Variants in COL21A1 observed in about 807,000 individuals in gnomAD.
The protein encoded by COL21A1 is collagen type XXI alpha 1 chain, also known as collagen alpha-1(XXI) chain.
Under a neutral mutation model 137.9 loss-of-function variants are expected in COL21A1, and 149 were observed. The observed-to-expected ratio is 1.08, with a 90% confidence interval of 0.95 to 1.24. COL21A1 has a LOEUF of 1.24. Ranked by LOEUF, COL21A1 falls within the 50% of genes most tolerant of loss-of-function variation. The probability of loss-of-function intolerance (pLI) is 0.00; values close to 1 mark genes in which losing one functional copy is unlikely to be tolerated. For missense variants in COL21A1, 1,167 were observed against 1,158.4 expected (o/e 1.01, Z -0.11); for synonymous variants, 456 against 391.5 (o/e 1.16, Z -1.95).
At chr6:56,199,417 T>C (rs1779234228) in intron 1 of COL21A1, among the ~76,000 whole-genome samples, 1 of 152,086 alleles carries the variant, frequency 6.6e-6, no homozygotes, top group African/African-American at 2.4e-5. Flanking sequence ...ATGGAATATA[T>C]AGTAGGCTAA....
At chr6:56,199,191 A>G (rs1017654584) in intron 1 of COL21A1, among the ~76,000 whole-genome samples, 1 of 152,096 alleles carries the variant, frequency 6.6e-6, no homozygotes, top group Admixed American at 6.6e-5. Flanking sequence ...TGATGCTTAC[A>G]TCCTCAACAG....
At chr6:56,096,436 A>G (rs1769331146) in intron 17 of COL21A1, among the ~76,000 whole-genome samples, 1 of 152,344 alleles carries the variant, frequency 6.6e-6, no homozygotes, top group Non-Finnish European at 1.5e-5. Flanking sequence ...CATGGTTGAA[A>G]CAAGTTATAA....
chr6:56,085,918 T>C (rs1161153941), intron 17 of COL21A1, among the ~76,000 whole-genome samples: 2 of 148,662 alleles, frequency 1.3e-5, no homozygotes, highest in Non-Finnish European at 3.0e-5. Context: ...AATATATTTA[T>C]ATTCATAATA....
intron 12 of COL21A1, among the ~76,000 whole-genome samples, chr6:56,136,864 G>C (rs1249769101): frequency 6.6e-6 from 1 of 152,020 alleles, no homozygotes; most frequent in Non-Finnish European, 1.5e-5. Context: ...GAGAAATGTA[G>C]ACCATGAACA....
At chr6:56,260,066 A>G (rs1424585961) in intron 1 of COL21A1, among the ~76,000 whole-genome samples, 1 of 152,206 alleles carries the variant, frequency 6.6e-6, no homozygotes, top group Non-Finnish European at 1.5e-5. Context: ...CACCACACAC[A>G]TAGCATGTTT....
chr6:56,349,526 G>GAT (rs1765666508), intron 1 of COL21A1, among the ~76,000 whole-genome samples: 1 of 152,088 alleles, frequency 6.6e-6, no homozygotes, highest in South Asian at 2.1e-4. Context: ...AGTGGCAATA[G>GAT]GTATATCTCT....
At chr6:56,345,621 T>G (rs185780681) in intron 1 of COL21A1, among the ~76,000 whole-genome samples, 6 of 152,322 alleles carry the variant, frequency 3.9e-5, no homozygotes, top group Admixed American at 3.3e-4. Context: ...GCCTGATCGC[T>G]ACATCTTCCT....
chr6:56,371,180 C>T (rs1463715827), intron 1 of COL21A1, among the ~76,000 whole-genome samples: 1 of 152,152 alleles, frequency 6.6e-6, no homozygotes, highest in Non-Finnish European at 1.5e-5. Flanking sequence ...TAAATGCCAT[C>T]AAGTTGCTGT....
At chr6:56,131,529 A>T (rs1480338905) in intron 12 of COL21A1, among the ~76,000 whole-genome samples, 1 of 152,012 alleles carries the variant, frequency 6.6e-6, no homozygotes, top group Admixed American at 6.6e-5. Context: ...GAGGGATGAA[A>T]TCAAAGATGT....
At chr6:56,145,727 T>C (rs1276603005) in intron 10 of COL21A1, among the ~76,000 whole-genome samples, 1 of 152,132 alleles carries the variant, frequency 6.6e-6, no homozygotes, top group African/African-American at 2.4e-5. Flanking sequence ...TGGTTAATAC[T>C]GTTCAACATG....
At chr6:56,285,575 T>C (rs1763891176) in intron 1 of COL21A1, among the ~76,000 whole-genome samples, 1 of 152,220 alleles carries the variant, frequency 6.6e-6, no homozygotes, top group South Asian at 2.1e-4. Flanking sequence ...CTCATTTCTT[T>C]TTTGTTAGGA....
chr6:56,192,045 C>T (rs979629007), intron 1 of COL21A1, among the ~76,000 whole-genome samples: 1 of 152,014 alleles, frequency 6.6e-6, no homozygotes, highest in African/African-American at 2.4e-5. Flanking sequence ...GAAATAAAAC[C>T]ACACATCTAC....
intron 1 of COL21A1, among the ~76,000 whole-genome samples, chr6:56,362,326 T>C (rs954484753): frequency 1.6e-4 from 24 of 152,224 alleles, no homozygotes; most frequent in African/African-American, 5.8e-4. Context: ...AGTTTTCTTA[T>C]TTTTGCTTAG....
At chr6:56,099,084 A>G (rs565461528) in intron 17 of COL21A1, among the ~76,000 whole-genome samples, 6 of 151,894 alleles carry the variant, frequency 4.0e-5, no homozygotes, top group Admixed American at 2.6e-4. Context: ...TTCAACGTAA[A>G]TACGTGCTCC....
At chr6:56,272,804 A>T (rs1763559682) in intron 1 of COL21A1, among the ~76,000 whole-genome samples, 1 of 152,080 alleles carries the variant, frequency 6.6e-6, no homozygotes, top group Admixed American at 6.5e-5. Flanking sequence ...TGATGAAGGT[A>T]CTTGCTTCTC....
chr6:56,132,194 G>A (rs1221966639), intron 12 of COL21A1, among the ~76,000 whole-genome samples: 2 of 151,780 alleles, frequency 1.3e-5, no homozygotes, highest in South Asian at 2.1e-4. Flanking sequence ...ATTGGATAAT[G>A]TTTGGGACTA....
intron 1 of COL21A1, among the ~76,000 whole-genome samples, chr6:56,254,734 T>C (rs942605990): frequency 3.3e-5 from 5 of 152,240 alleles, no homozygotes; most frequent in African/African-American, 1.2e-4. Flanking sequence ...TTAAAGGTCA[T>C]ATTTTTATTA....
intron 1 of COL21A1, among the ~76,000 whole-genome samples, chr6:56,378,059 C>A (rs1562078496): frequency 6.6e-6 from 1 of 152,130 alleles, no homozygotes; most frequent in Non-Finnish European, 1.5e-5. Flanking sequence ...CCCCAAATAA[C>A]CAGCAGCGAT....
At position 56,318,979 on chromosome 6, in the gene COL21A1, C is replaced by G. The variant is rs573119566; in HGVS notation, c.-39+74992G>C. Among the ~76,000 whole-genome samples, 6 of 152,014 alleles carry G rather than the reference C, an allele frequency of 3.9e-5. No homozygotes were observed. The South Asian group carries it at 1.2e-3, about 32-fold the overall frequency. ...ACCCACTTCATTGAAGCTTTTGCCTCATCTCCAAAACTGCTCTTGCCATGG... is the reference window on the plus strand; with the variant it reads ...ACCCACTTCATTGAAGCTTTTGCCTGATCTCCAAAACTGCTCTTGCCATGG... On this transcript the variant is annotated intron_variant, in intron 1 of 28. Coordinates refer to the COL21A1 transcript ENST00000370819.
Sources: gnomAD v4.1 joint callset for allele counts (sites outside exome capture counted in the v4.1 genomes callset) on GRCh38, gnomAD v4.1.1 for gene constraint, MANE v1.5 for transcripts, NCBI Gene and HGNC (gene_info 2026-07-23, HGNC 2026-07-21) for gene names.